The following PARD3B variants were observed in gnomAD, a reference collection of about 807,000 sequenced individuals.
PARD3B encodes par-3 family cell polarity regulator beta, also known as partitioning defective 3 homolog B.
A neutral mutation model predicts 130.2 loss-of-function variants in PARD3B; 103 were observed. The observed-to-expected ratio is 0.79, with a 90% CI of 0.67 to 0.93. PARD3B has a LOEUF of 0.93. Ranked by LOEUF, PARD3B falls within the 40% of genes least tolerant of loss-of-function variation. The pLI is 0.00. For missense variants in PARD3B, 1,609 were observed against 1,499.2 expected (o/e 1.07, Z -1.21); for synonymous variants, 583 against 553.2 (o/e 1.05, Z -0.76).
intron 20 of PARD3B, among the ~76,000 whole-genome samples, chr2:205,490,166 GGTTA>G (rs1401147080): frequency 6.6e-6 from 1 of 152,034 alleles, no homozygotes; most frequent in Non-Finnish European, 1.5e-5. Context: ...ACAACGTGCA[GGTTA>G]GTTACATATG....
chr2:205,515,005 A>G (rs1196942617), intron 21 of PARD3B, among the ~76,000 whole-genome samples: 1 of 151,944 alleles, frequency 6.6e-6, no homozygotes, highest in Non-Finnish European at 1.5e-5. Flanking sequence ...TCCACCCTCA[A>G]ATAGACCCCA....
chr2:205,382,135 A>G (rs1262814782), intron 18 of PARD3B, among the ~76,000 whole-genome samples: 1 of 151,980 alleles, frequency 6.6e-6, no homozygotes, highest in Non-Finnish European at 1.5e-5. Flanking sequence ...TTTTCCATTA[A>G]TGTCCTTTTT....
intron 15 of PARD3B, among the ~76,000 whole-genome samples, chr2:205,196,450 G>A (rs530960140): frequency 2.0e-5 from 3 of 152,128 alleles, no homozygotes; most frequent in African/African-American, 7.2e-5. Context: ...TGTTACATGG[G>A]ATGCAAGTGA....
rs2053019526 is a variant in PARD3B, at chr2:205,558,926, G to T, written c.3260+5523G>T. Reference sequence around the variant, plus strand: ...ACCCTGAATTGGATTATTCTCCACTGCCCCTTTCCACCCCATTGAAATATA... The same window carrying T: ...ACCCTGAATTGGATTATTCTCCACTTCCCCTTTCCACCCCATTGAAATATA... On this transcript the variant is annotated intron_variant, in intron 22 of 22. Transcript: ENST00000406610. The surrounding 1 kb of genome is among the most constrained non-coding windows in gnomAD (Gnocchi z 4.8). Among the ~76,000 whole-genome samples the T allele has an allele frequency of 6.6e-6, 1 of 152,064 alleles. No homozygotes were observed. Among genetic ancestry groups the T allele is most frequent in the African/African-American group, 2.4e-5 (1 of 41,390 alleles).
intron 1 of PARD3B, among the ~76,000 whole-genome samples, chr2:204,583,678 G>GTGTGAGGTGT (rs1345395510): frequency 4.1e-5 from 6 of 146,438 alleles, no homozygotes; most frequent in Non-Finnish European, 6.0e-5. Context: ...ATTTACTAAT[G>GTGTGAGGTGT]TGTGAGGTGT....
intron 19 of PARD3B, among the ~76,000 whole-genome samples, chr2:205,434,062 T>G (rs1368865761): frequency 6.6e-6 from 1 of 152,232 alleles, no homozygotes. Context: ...AAGTCTAGTT[T>G]TGAAAGAACT....
chr2:205,582,913 G>A (rs543579707), intron 22 of PARD3B, among the ~76,000 whole-genome samples: 8 of 152,160 alleles, frequency 5.3e-5, no homozygotes, highest in Admixed American at 2.0e-4. Flanking sequence ...AAAGGGCACC[G>A]AATTCAGGAC....
At chr2:204,896,407 A>C (rs2046641635) in intron 2 of PARD3B, among the ~76,000 whole-genome samples, 1 of 152,128 alleles carries the variant, frequency 6.6e-6, no homozygotes, top group Non-Finnish European at 1.5e-5. Context: ...CTCTGGAGTT[A>C]AGCTACCTGG....
chr2:205,601,095 T>C (rs1033459218), intron 22 of PARD3B, among the ~76,000 whole-genome samples: 1 of 152,224 alleles, frequency 6.6e-6, no homozygotes, highest in African/African-American at 2.4e-5. Context: ...TCTACAATGG[T>C]TAAACTAATT....
intron 18 of PARD3B, among the ~76,000 whole-genome samples, chr2:205,364,863 A>G (rs1389896069): frequency 1.3e-5 from 2 of 152,166 alleles, no homozygotes; most frequent in Non-Finnish European, 2.9e-5. Context: ...TGCTCACTCC[A>G]CTGGTAGTTT....
At chr2:204,847,971 A>G (rs2044533520) in intron 2 of PARD3B, among the ~76,000 whole-genome samples, 1 of 152,176 alleles carries the variant, frequency 6.6e-6, no homozygotes, top group Non-Finnish European at 1.5e-5. Context: ...AGTTACAATC[A>G]TTCATCTCAC....
intron 22 of PARD3B, among the ~76,000 whole-genome samples, chr2:205,596,900 T>C (rs2054591651): frequency 6.6e-6 from 1 of 152,052 alleles, no homozygotes; most frequent in Admixed American, 6.6e-5. Flanking sequence ...GGAGATGAGA[T>C]AGTCAGAATT....
chr2:205,207,104 C>T (rs1295580768), intron 15 of PARD3B, among the ~76,000 whole-genome samples: 1 of 143,256 alleles, frequency 7.0e-6, no homozygotes, highest in Non-Finnish European at 1.5e-5. Context: ...GAACAACCTG[C>T]TCCTGAATGA....
chr2:205,366,134 C>T lies in PARD3B; in HGVS notation c.2631-34879C>T, dbSNP rs750830417. 1.1e-4 allele frequency among the ~76,000 whole-genome samples: 17 copies of T among 151,960 alleles called. No individual in the cohort carries two copies. The highest frequency in any genetic ancestry group is 2.5e-4 in the Non-Finnish European group (17 of 67,996). ...CATCCATTATCCATATTTATGTTGG[C>T]TAGAGCTCTGTGGGTTACTTTAAAC... On this transcript the variant is annotated intron_variant, in intron 18 of 22. Transcript: ENST00000406610. The surrounding 1 kb of genome is among the most constrained non-coding windows in gnomAD (Gnocchi z 5.0).
chr2:205,500,930 G>A (rs1472534792), intron 21 of PARD3B, among the ~76,000 whole-genome samples: 1 of 152,086 alleles, frequency 6.6e-6, no homozygotes, highest in Non-Finnish European at 1.5e-5. Context: ...ACCAGGTAGG[G>A]GACTCTGTTA....
At position 204,677,622 on chromosome 2, in the gene PARD3B, G is replaced by T. The variant is rs1255063241; in HGVS notation, c.121-8559G>T. On this transcript the variant is annotated intron_variant, in intron 1 of 22. Transcript: ENST00000406610. The surrounding 1 kb of genome is among the most constrained non-coding windows in gnomAD (Gnocchi z 4.1). ...CTCTAAATGTAGTGGGACCACTTTG[G>T]CACAGAGTGAAACGATTCCTTGTTC... Among the ~76,000 whole-genome samples the T allele has an allele frequency of 2.0e-5, 3 of 152,142 alleles. No individual in the cohort carries two copies. In the South Asian group the frequency reaches 6.2e-4, roughly 32 times the overall value.
intron 2 of PARD3B, among the ~76,000 whole-genome samples, chr2:204,850,730 A>T (rs1238578367): frequency 6.6e-6 from 1 of 152,172 alleles, no homozygotes; most frequent in Non-Finnish European, 1.5e-5. Flanking sequence ...CACTGACCAA[A>T]TGCTGAAACA....
chr2:204,747,054 T>C (rs1024819302), intron 2 of PARD3B, among the ~76,000 whole-genome samples: 39 of 152,304 alleles, frequency 2.6e-4, no homozygotes, highest in Middle Eastern at 3.4e-3. Context: ...TCCTTGCCCC[T>C]GCCTATGTCC....
chr2:204,860,417 G>T (rs567721148), intron 2 of PARD3B, among the ~76,000 whole-genome samples: 17 of 152,312 alleles, frequency 1.1e-4, no homozygotes, highest in African/African-American at 3.6e-4. Context: ...CTGAAGCAGA[G>T]CTTGGCAGAT....
Sources: allele counts gnomAD v4.1 joint callset (sites outside exome capture counted in the v4.1 genomes callset), GRCh38; gene constraint gnomAD v4.1.1; non-coding constraint Gnocchi (gnomAD v3.1); transcripts MANE v1.5; gene names NCBI Gene and HGNC (gene_info 2026-07-23, HGNC 2026-07-21).